The following LRP1B variants were observed in gnomAD, a reference collection of about 807,000 sequenced individuals.
LRP1B encodes the protein LDL receptor related protein 1B.
Under a neutral mutation model 556.6 loss-of-function variants are expected in LRP1B, and 217 were observed. The observed-to-expected ratio is 0.39, with a 90% CI of 0.35 to 0.44. LRP1B has a LOEUF of 0.44. LRP1B is among the 20% of genes least tolerant of loss of function. The probability of loss-of-function intolerance (pLI) is 1.00; values close to 1 mark genes in which losing one functional copy is unlikely to be tolerated. For missense variants in LRP1B, 5,053 were observed against 5,620.8 expected (o/e 0.90, Z 3.23); for synonymous variants, 2,047 against 1,865.8 (o/e 1.10, Z -2.50).
At chr2:141,655,328 AGG>A (rs1252603449) in intron 2 of LRP1B, among the ~76,000 whole-genome samples, 1 of 152,164 alleles carries the variant, frequency 6.6e-6, no homozygotes, top group Non-Finnish European at 1.5e-5. Flanking sequence ...ATAAGGAAGG[AGG>A]AGAGTCATAT....
intron 18 of LRP1B, among the ~76,000 whole-genome samples, chr2:140,957,766 A>C (rs1216673151): frequency 1.3e-5 from 2 of 151,540 alleles, no homozygotes; most frequent in African/African-American, 4.8e-5. Context: ...CCTGGGTTTT[A>C]ATGTCAATCT....
intron 1 of LRP1B, among the ~76,000 whole-genome samples, chr2:142,126,831 C>T (rs1271449075): frequency 6.6e-6 from 1 of 151,866 alleles, no homozygotes; most frequent in Non-Finnish European, 1.5e-5. Flanking sequence ...CATCATAATC[C>T]TTGTAGAAGA....
intron 20 of LRP1B, 61 bp downstream of exon 20, chr2:140,950,174 C>T (rs2105299346): frequency 2.5e-6 from 3 of 1,219,276 alleles, no homozygotes; most frequent in Non-Finnish European, 3.4e-6. Context: ...CTGTAATACC[C>T]TAAGTATTAT....
chr2:141,314,582 G>C (rs1398771310), intron 3 of LRP1B, among the ~76,000 whole-genome samples: 1 of 151,786 alleles, frequency 6.6e-6, no homozygotes, highest in African/African-American at 2.4e-5. Context: ...ACCAGGTCAG[G>C]AGATCGAGAC....
chr2:141,184,111 T>C (rs1429479445), intron 7 of LRP1B, among the ~76,000 whole-genome samples: 1 of 152,072 alleles, frequency 6.6e-6, no homozygotes, highest in Non-Finnish European at 1.5e-5. Context: ...TAGTTTGATA[T>C]TGAAGCAGTG....
chr2:141,627,096 T>C (rs1418930679), intron 2 of LRP1B, among the ~76,000 whole-genome samples: 1 of 152,194 alleles, frequency 6.6e-6, no homozygotes, highest in Non-Finnish European at 1.5e-5. Flanking sequence ...TATCCAGGCA[T>C]TGCAATCTTT....
chr2:140,600,767 G>GT (rs61336155), intron 42 of LRP1B, among the ~76,000 whole-genome samples: 1,482 of 56,800 alleles, frequency 0.026, 261 homozygotes, highest in African/African-American at 0.096. Flanking sequence ...GTTCTTCGGG[G>GT]TTTTTTTTTT....
At chr2:140,537,648 T>C (rs16844189) in intron 45 of LRP1B, among the ~76,000 whole-genome samples, 4,783 of 152,136 alleles carry the variant, frequency 0.031, 91 homozygotes, top group African/African-American at 0.054. Flanking sequence ...GTGGAAAGCA[T>C]GTGTACCTGA....
At chr2:141,080,447 C>T (rs1156395824) in intron 7 of LRP1B, among the ~76,000 whole-genome samples, 2 of 152,258 alleles carry the variant, frequency 1.3e-5, no homozygotes, top group East Asian at 1.9e-4. Context: ...TGTTTCATAA[C>T]CTGCTTTTCC....
chr2:140,501,936 T>C (rs914725176), intron 54 of LRP1B, 62 bp from the exon 55 acceptor site: 2 of 1,163,914 alleles, frequency 1.7e-6, no homozygotes, highest in Middle Eastern at 2.0e-4. Context: ...ACTACAGTTG[T>C]TGAAAACATT....
At position 140,864,736 on chromosome 2, in the gene LRP1B, T is replaced by C. The variant is rs563427440; in HGVS notation, c.4579+2854A>G. Among the ~76,000 whole-genome samples, 24 of 152,170 alleles carry C rather than the reference T, an allele frequency of 1.6e-4. 1 individual carries two copies. In the South Asian group the frequency reaches 4.8e-3, roughly 30 times the overall value. On this transcript the variant is annotated intron_variant, in intron 27 of 90. Coordinates refer to ENST00000389484, the MANE Select transcript of LRP1B (RefSeq NM_018557.3). ...AATATAGTTAGATTAGATGGCTTCG[T>C]GAATTATATATTTTTAACTTAAAGA...
At chr2:141,900,186 G>C (rs1381625605) in intron 1 of LRP1B, among the ~76,000 whole-genome samples, 1 of 151,982 alleles carries the variant, frequency 6.6e-6, no homozygotes, top group South Asian at 2.1e-4. Context: ...TTTTAAATAA[G>C]AATAAGTAGC....
At chr2:141,188,608 T>C (rs537895973) in intron 6 of LRP1B, 25 bp from the exon 7 acceptor site, 1 of 1,606,298 alleles carries the variant, frequency 6.2e-7, no homozygotes. Context: ...CACAAAATCA[T>C]TGAATCACAG....
At chr2:141,196,237 A>G (rs1484772008) in intron 6 of LRP1B, among the ~76,000 whole-genome samples, 2 of 151,400 alleles carry the variant, frequency 1.3e-5, no homozygotes, top group Admixed American at 6.6e-5. Flanking sequence ...AGCAGTGTCC[A>G]CTCCACTCCT....
chr2:140,824,743 T>C (rs1314618575), intron 31 of LRP1B, among the ~76,000 whole-genome samples: 2 of 152,134 alleles, frequency 1.3e-5, no homozygotes, highest in Non-Finnish European at 2.9e-5. Context: ...GCAACATGAA[T>C]CCATATCCAG....
intron 5 of LRP1B, among the ~76,000 whole-genome samples, chr2:141,233,419 GC>G (rs944401949): frequency 2.0e-5 from 3 of 152,108 alleles, no homozygotes; most frequent in African/African-American, 7.2e-5. Flanking sequence ...TAGTATTTGT[GC>G]TCTGTATGAT....
At chr2:140,918,303 A>G (rs1306452064) in intron 21 of LRP1B, among the ~76,000 whole-genome samples, 1 of 151,920 alleles carries the variant, frequency 6.6e-6, no homozygotes, top group Admixed American at 6.6e-5. Context: ...AATTTGAAAG[A>G]GTTTTCTATA....
intron 3 of LRP1B, among the ~76,000 whole-genome samples, chr2:141,376,463 T>C (rs370592943): frequency 2.0e-5 from 3 of 152,212 alleles, no homozygotes; most frequent in African/African-American, 7.2e-5. Context: ...TGGTGTATCA[T>C]ATTATTCTCT....
chr2:140,244,105 A>G (rs887410934), intron 87 of LRP1B, among the ~76,000 whole-genome samples: 1 of 151,268 alleles, frequency 6.6e-6, no homozygotes, highest in Non-Finnish European at 1.5e-5. Context: ...TGCCTCTGGG[A>G]TCTAGTGCAG....
Sources: gnomAD v4.1 joint callset for allele counts (sites outside exome capture counted in the v4.1 genomes callset) on GRCh38, gnomAD v4.1.1 for gene constraint, MANE v1.5 for transcripts, NCBI Gene and HGNC (gene_info 2026-07-23, HGNC 2026-07-21) for gene names.